Variants in MDGA2 observed in about 807,000 individuals in gnomAD.
The protein encoded by MDGA2 is MAM domain containing glycosylphosphatidylinositol anchor 2.
Under a neutral mutation model 117.8 loss-of-function variants are expected in MDGA2, and 40 were observed. That is an observed-to-expected ratio of 0.34 (90% CI 0.26 to 0.44). The LOEUF (loss-of-function observed/expected upper bound fraction) is 0.44. MDGA2 is among the 20% of genes least tolerant of loss of function. The probability of loss-of-function intolerance (pLI) is 1.00; values close to 1 mark genes in which losing one functional copy is unlikely to be tolerated. For missense variants in MDGA2, 1,123 were observed against 1,250.6 expected, an observed-to-expected ratio of 0.90 and a Z score of 1.54; for synonymous variants, 452 against 439.0, an observed-to-expected ratio of 1.03 and a Z score of -0.37.
At chr14:46,891,864 TTAAAAA>T (rs1287755334) in intron 10 of MDGA2, among the ~76,000 whole-genome samples, 1 of 151,488 alleles carries the variant, frequency 6.6e-6, no homozygotes, top group African/African-American at 2.4e-5. Flanking sequence ...ATTTTAAGAC[TTAAAAA>T]TGAAATGATA....
chr14:46,960,583 G>C (rs1281208020), intron 8 of MDGA2: 1 of 151,978 alleles, frequency 6.6e-6, no homozygotes, highest in African/African-American at 2.4e-5. Flanking sequence ...TCCATGATTA[G>C]TGATGTGGGG....
intron 7 of MDGA2, chr14:47,059,166 T>C (rs1353819032): frequency 1.2e-6 from 1 of 812,310 alleles, no homozygotes; most frequent in Middle Eastern, 2.8e-4. Flanking sequence ...ATTAGTCATT[T>C]TGTTAGTTAA....
intron 1 of MDGA2, among the ~76,000 whole-genome samples, chr14:47,628,038 A>T (rs913676161): frequency 6.6e-6 from 1 of 152,164 alleles, no homozygotes. Flanking sequence ...ACACAGTACC[A>T]CCTGCCATAG....
At chr14:47,465,109 T>C (rs970210433) in intron 1 of MDGA2, among the ~76,000 whole-genome samples, 7 of 152,158 alleles carry the variant, frequency 4.6e-5, no homozygotes, top group African/African-American at 1.7e-4. Context: ...AATGACTCCC[T>C]ATTCAATAAA....
At chr14:47,445,836 A>G (rs960011279) in intron 1 of MDGA2, among the ~76,000 whole-genome samples, 2 of 152,184 alleles carry the variant, frequency 1.3e-5, no homozygotes, top group African/African-American at 4.8e-5. Flanking sequence ...GGAACAAGAC[A>G]AGCACAAACA....
At chr14:47,635,355 G>C (rs1201719123) in intron 1 of MDGA2, among the ~76,000 whole-genome samples, 1 of 152,016 alleles carries the variant, frequency 6.6e-6, no homozygotes, top group Non-Finnish European at 1.5e-5. Context: ...GATTAAATGA[G>C]ACATACAACA....
intron 1 of MDGA2, chr14:47,343,056 G>A (rs1163073470): frequency 5.4e-6 from 7 of 1,286,716 alleles, no homozygotes; most frequent in African/African-American, 4.6e-5. Context: ...TGAGTCCTGC[G>A]GCAGATCCCA....
At chr14:47,670,748 G>A (rs1898059714) in intron 1 of MDGA2, among the ~76,000 whole-genome samples, 1 of 152,054 alleles carries the variant, frequency 6.6e-6, no homozygotes, top group South Asian at 2.1e-4. Flanking sequence ...ATGACTTTTT[G>A]TTATCCAGTG....
intron 1 of MDGA2, among the ~76,000 whole-genome samples, chr14:47,647,470 T>C (rs79986862): frequency 1.0e-3 from 153 of 152,264 alleles, no homozygotes; most frequent in African/African-American, 3.5e-3. Context: ...ACAATTCCAC[T>C]TCTCCATTTG....
At chr14:46,907,274 G>C (rs893738524) in intron 10 of MDGA2, among the ~76,000 whole-genome samples, 18 of 152,028 alleles carry the variant, frequency 1.2e-4, no homozygotes, top group Admixed American at 8.5e-4. Context: ...CACTGCACCT[G>C]GACTGCTTGT....
chr14:47,651,892 G>C (rs1274091120), intron 1 of MDGA2, among the ~76,000 whole-genome samples: 1 of 152,168 alleles, frequency 6.6e-6, no homozygotes, highest in Non-Finnish European at 1.5e-5. Flanking sequence ...AGGATGAGGA[G>C]AAAGAGTTGG....
At position 46,841,837 on chromosome 14, in the gene MDGA2, T is replaced by C; in HGVS notation, c.*94A>G. 1.2e-6 allele frequency: 1 copy of C among 850,162 alleles called. No individual in the cohort carries two copies. The highest frequency in any genetic ancestry group is 1.9e-6 in the Non-Finnish European group (1 of 540,436). The allele number at this position is 850,162 out of a possible 1,614,324, so 52.7% of individuals were successfully genotyped here. ...TTTGAGTCAGTAGTCAGTGGAGGAATCTTTGGTAGTTTGTTTGTTCAATGT... is the reference window on the plus strand; with the variant it reads ...TTTGAGTCAGTAGTCAGTGGAGGAACCTTTGGTAGTTTGTTTGTTCAATGT... On this transcript the variant is annotated 3_prime_UTR_variant, in exon 17 of 17. Coordinates refer to ENST00000399232, the MANE Select transcript of MDGA2 (RefSeq NM_001113498.3).
intron 1 of MDGA2, among the ~76,000 whole-genome samples, chr14:47,403,271 T>A (rs1223773175): frequency 6.6e-6 from 1 of 152,202 alleles, no homozygotes; most frequent in Non-Finnish European, 1.5e-5. Flanking sequence ...CAAATTAACA[T>A]CTTTGCTGCA....
At chr14:47,572,876 T>C (rs1212597893) in intron 1 of MDGA2, among the ~76,000 whole-genome samples, 1 of 152,214 alleles carries the variant, frequency 6.6e-6, no homozygotes, top group Non-Finnish European at 1.5e-5. Flanking sequence ...TTAAACTTCA[T>C]ATATGAAACA....
At chr14:47,229,790 T>C (rs1886628364) in intron 2 of MDGA2, among the ~76,000 whole-genome samples, 1 of 151,928 alleles carries the variant, frequency 6.6e-6, no homozygotes, top group African/African-American at 2.4e-5. Flanking sequence ...TTTATGTAGG[T>C]AAAGATGCTA....
intron 1 of MDGA2, among the ~76,000 whole-genome samples, chr14:47,359,311 A>C (rs1265124932): frequency 6.6e-6 from 1 of 152,082 alleles, no homozygotes; most frequent in Admixed American, 6.6e-5. Context: ...CTGAGATCAC[A>C]CCACTGCACT....
chr14:47,179,613 C>G (rs1420374725), intron 3 of MDGA2, among the ~76,000 whole-genome samples: 1 of 151,884 alleles, frequency 6.6e-6, no homozygotes, highest in Non-Finnish European at 1.5e-5. Context: ...TAATAGGCTA[C>G]TGTGATATTG....
rs183011897 is a variant in MDGA2 at position 47,464,925 on chromosome 14, G to C, written c.281-163375C>G. Among the ~76,000 whole-genome samples the C allele has an allele frequency of 2.6e-5, 4 of 152,152 alleles. No individual in the cohort carries two copies. In the East Asian group the frequency reaches 7.7e-4, roughly 29 times the overall value. On this transcript the variant is annotated intron_variant, in intron 1 of 16. Coordinates refer to ENST00000399232, the MANE Select transcript of MDGA2 (RefSeq NM_001113498.3). ...ATAAAAACAAAGCCAGAGAGCCAGAGTCATCACATTACCAAACTTCAAACT... is the reference window on the plus strand; with the variant it reads ...ATAAAAACAAAGCCAGAGAGCCAGACTCATCACATTACCAAACTTCAAACT...
chr14:47,532,619 T>A (rs1352115046), intron 1 of MDGA2, among the ~76,000 whole-genome samples: 1 of 152,202 alleles, frequency 6.6e-6, no homozygotes, highest in Non-Finnish European at 1.5e-5. Context: ...TTAGAATTAA[T>A]CTGTGCTTTT....
Sources: allele counts gnomAD v4.1 joint callset (sites outside exome capture counted in the v4.1 genomes callset), GRCh38; gene constraint gnomAD v4.1.1; transcripts MANE v1.5; gene names NCBI Gene and HGNC (gene_info 2026-07-23, HGNC 2026-07-21).